PPM1E: variants seen among roughly 807,000 people sequenced by gnomAD.
PPM1E encodes protein phosphatase 1E.
In PPM1E, 20 loss-of-function variants were observed where a neutral mutation model predicts 65.9. The ratio of observed to expected loss-of-function variants is 0.30; its 90% confidence interval spans 0.21 to 0.44. The LOEUF (loss-of-function observed/expected upper bound fraction) is 0.44, where lower values mean the gene tolerates loss of function less well. PPM1E is among the 20% of genes least tolerant of loss of function. The pLI is 1.00. For synonymous variants in PPM1E, 352 were observed against 374.9 expected (o/e 0.94, Z 0.70); for missense variants, 713 against 953.1 (o/e 0.75, Z 3.32).
chr17:58,794,685 A>G (rs891290684), intron 1 of PPM1E, among the ~76,000 whole-genome samples: 2 of 152,034 alleles, frequency 1.3e-5, no homozygotes, highest in Non-Finnish European at 2.9e-5. Context: ...GTTCCTGTGT[A>G]AGTTCGCTTA....
intron 6 of PPM1E, among the ~76,000 whole-genome samples, chr17:58,976,622 G>A (rs2031011607): frequency 6.6e-6 from 1 of 152,204 alleles, no homozygotes; most frequent in Admixed American, 6.5e-5. Context: ...CATATGGAGA[G>A]AAGAGGTTGA....
intron 1 of PPM1E, among the ~76,000 whole-genome samples, chr17:58,849,957 G>A (rs945312591): frequency 6.6e-6 from 1 of 152,122 alleles, no homozygotes; most frequent in African/African-American, 2.4e-5. Flanking sequence ...ATGAATCTGG[G>A]TGCTTCTGTA....
intron 1 of PPM1E, among the ~76,000 whole-genome samples, chr17:58,804,563 T>G (rs2143065753): frequency 6.6e-6 from 1 of 152,292 alleles, no homozygotes; most frequent in South Asian, 2.1e-4. Context: ...TTACTTTACA[T>G]GTTGTGACTC....
intron 6 of PPM1E, among the ~76,000 whole-genome samples, chr17:58,979,280 A>G (rs1179554725): frequency 2.0e-5 from 3 of 152,202 alleles, no homozygotes; most frequent in African/African-American, 4.8e-5. Flanking sequence ...TCTGTTCTCT[A>G]GAAGTTACAG....
At chr17:58,852,940 A>G (rs1166910583) in intron 1 of PPM1E, among the ~76,000 whole-genome samples, 2 of 152,072 alleles carry the variant, frequency 1.3e-5, no homozygotes, top group Non-Finnish European at 2.9e-5. Context: ...TGTCTATTCA[A>G]GTCATTTGCC....
intron 1 of PPM1E, among the ~76,000 whole-genome samples, chr17:58,892,831 AT>A (rs1173389675): frequency 6.6e-6 from 1 of 152,188 alleles, no homozygotes; most frequent in Non-Finnish European, 1.5e-5. Flanking sequence ...ACCAAAACAA[AT>A]TTTTATATGG....
intron 1 of PPM1E, among the ~76,000 whole-genome samples, chr17:58,938,845 A>G (rs1363276331): frequency 3.4e-5 from 5 of 146,900 alleles, no homozygotes; most frequent in Non-Finnish European, 7.4e-5. Flanking sequence ...CTGGAGTGCA[A>G]TGGCGCGATC....
chr17:58,977,714 T>G (rs914961313), intron 6 of PPM1E, among the ~76,000 whole-genome samples: 1 of 152,188 alleles, frequency 6.6e-6, no homozygotes, highest in Non-Finnish European at 1.5e-5. Context: ...TCTAGCCTAT[T>G]TGAGGATTAA....
intron 1 of PPM1E, among the ~76,000 whole-genome samples, chr17:58,825,232 A>T (rs1036287572): frequency 9.2e-5 from 13 of 140,786 alleles, no homozygotes; most frequent in Admixed American, 3.4e-4. Context: ...ACTCACACAC[A>T]CACACACACA....
chr17:58,784,214 G>A (rs2050076385), intron 1 of PPM1E, among the ~76,000 whole-genome samples: 1 of 151,472 alleles, frequency 6.6e-6, no homozygotes, highest in Non-Finnish European at 1.5e-5. Flanking sequence ...AGTAGAGACG[G>A]GTTTCACCAT....
intron 1 of PPM1E, among the ~76,000 whole-genome samples, chr17:58,850,103 C>T (rs2050810431): frequency 2.0e-5 from 3 of 151,872 alleles, no homozygotes; most frequent in Non-Finnish European, 2.9e-5. Flanking sequence ...GATTGCAACC[C>T]CTGCTTTTTT....
chr17:58,788,930 A>G (rs1388073437), intron 1 of PPM1E, among the ~76,000 whole-genome samples: 1 of 152,206 alleles, frequency 6.6e-6, no homozygotes, highest in Non-Finnish European at 1.5e-5. Flanking sequence ...TTAGTCAGTG[A>G]TCCAGAACTC....
chr17:58,828,365 A>T (rs572958683), intron 1 of PPM1E, among the ~76,000 whole-genome samples: 1 of 151,910 alleles, frequency 6.6e-6, no homozygotes, highest in South Asian at 2.1e-4. Flanking sequence ...AACTATTTTA[A>T]TTTTCTTTTC....
At chr17:58,812,303 CAAAA>C (rs35132799) in intron 1 of PPM1E, among the ~76,000 whole-genome samples, 2 of 49,770 alleles carry the variant, frequency 4.0e-5, no homozygotes, top group African/African-American at 7.6e-5. Flanking sequence ...GACTCTGTTT[CAAAA>C]AAAAAAAAAA....
chr17:58,806,702 T>C (rs970004573), intron 1 of PPM1E, among the ~76,000 whole-genome samples: 2,281 of 109,636 alleles, frequency 0.021, 36 homozygotes, highest in African/African-American at 0.081. Context: ...TGTTTTCTTT[T>C]TTTTTTTTTT....
Position 58,982,851 on chromosome 17 carries a change from A to C in PPM1E, c.*1820A>C. The C allele has an allele frequency of 2.7e-6, 4 of 1,506,316 alleles. No homozygotes were observed. The highest frequency in any genetic ancestry group is 3.6e-6 in the Non-Finnish European group (4 of 1,102,628). The allele number at this position is 1,506,316 out of a possible 1,614,324, so 93.3% of individuals were successfully genotyped here. A position where few individuals can be genotyped will look rare whatever the true frequency, so the allele number is the denominator to read the frequency against. On this transcript the variant is annotated 3_prime_UTR_variant, in exon 7 of 7. Coordinates refer to ENST00000308249, the MANE Select transcript of PPM1E (RefSeq NM_014906.5). ...TTTGCCCCACACATGGTCCTCACTC[A>C]TATCTGTCACCTTCTGAAGCCTAGA... is the stretch of plus-strand genomic sequence containing the variant.
intron 4 of PPM1E, among the ~76,000 whole-genome samples, chr17:58,971,581 A>G (rs1445698766): frequency 6.6e-6 from 1 of 152,246 alleles, no homozygotes; most frequent in Non-Finnish European, 1.5e-5. Context: ...TAAGCATCTT[A>G]GTACTCCAGG....
At chr17:58,841,081 C>G (rs1306705178) in intron 1 of PPM1E, among the ~76,000 whole-genome samples, 1 of 152,142 alleles carries the variant, frequency 6.6e-6, no homozygotes, top group African/African-American at 2.4e-5. Flanking sequence ...TCTCACTCAC[C>G]CTGGGGCACC....
intron 1 of PPM1E, among the ~76,000 whole-genome samples, chr17:58,811,084 C>T (rs1189327391): frequency 6.6e-6 from 1 of 152,124 alleles, no homozygotes; most frequent in Admixed American, 6.5e-5. Context: ...TCTCGAATTC[C>T]TGACCTCAAG....
Sources: gnomAD v4.1 joint callset for allele counts (sites outside exome capture counted in the v4.1 genomes callset) on GRCh38, gnomAD v4.1.1 for gene constraint, MANE v1.5 for transcripts, NCBI Gene and HGNC (gene_info 2026-07-23, HGNC 2026-07-21) for gene names.